The following FMN1 variants were observed in gnomAD, a reference collection of about 807,000 sequenced individuals.
The protein encoded by FMN1 is formin 1.
Under a neutral mutation model 132.4 loss-of-function variants are expected in FMN1, and 110 were observed. The ratio of observed to expected loss-of-function variants is 0.83; its 90% CI spans 0.71 to 0.97. FMN1 has a LOEUF of 0.97. Among genes scored for constraint, FMN1 ranks in the 50% least tolerant of loss-of-function variants. FMN1 has a pLI of 0.00. For synonymous variants in FMN1, 722 were observed against 651.7 expected (o/e 1.11, Z -1.64); for missense variants, 1,792 against 1,705.3 (o/e 1.05, Z -0.90).
intron 4 of FMN1, among the ~76,000 whole-genome samples, chr15:33,113,118 T>A (rs1339828477): frequency 1.3e-5 from 2 of 152,222 alleles, no homozygotes; most frequent in East Asian, 3.8e-4. Flanking sequence ...CTCAATATGC[T>A]GTTTCAAATA....
chr15:32,987,134 G>C (rs1317686417), intron 7 of FMN1, among the ~76,000 whole-genome samples: 1 of 152,080 alleles, frequency 6.6e-6, no homozygotes, highest in Non-Finnish European at 1.5e-5. Context: ...GGCAGAGACA[G>C]GATAACCTTA....
At chr15:32,919,972 T>C (rs2060781032) in intron 10 of FMN1, among the ~76,000 whole-genome samples, 1 of 152,328 alleles carries the variant, frequency 6.6e-6, no homozygotes, top group South Asian at 2.1e-4. Context: ...AGAAAGCCAA[T>C]GTTGCAGCTG....
At chr15:32,989,988 G>A (rs908542268) in intron 7 of FMN1, among the ~76,000 whole-genome samples, 12 of 152,136 alleles carry the variant, frequency 7.9e-5, no homozygotes, top group Admixed American at 2.0e-4. Context: ...GGATTCAGAA[G>A]GAGACAAGTA....
intron 4 of FMN1, among the ~76,000 whole-genome samples, chr15:33,107,446 A>C (rs1401907059): frequency 6.6e-6 from 1 of 152,070 alleles, no homozygotes; most frequent in East Asian, 1.9e-4. Flanking sequence ...CTGGCCTTAA[A>C]GAACATCACT....
intron 12 of FMN1, among the ~76,000 whole-genome samples, chr15:32,905,774 G>C (rs1418911301): frequency 6.6e-6 from 1 of 152,144 alleles, no homozygotes. Context: ...GCTTATAGTC[G>C]ACTCACTTGG....
intron 4 of FMN1, among the ~76,000 whole-genome samples, chr15:33,104,922 CTAAT>C (rs1303363350): frequency 2.0e-5 from 3 of 152,028 alleles, no homozygotes; most frequent in Non-Finnish European, 4.4e-5. Flanking sequence ...AAAGCTGAAT[CTAAT>C]TGGTGGTGAT....
At chr15:33,031,161 A>G (rs1307286940) in intron 6 of FMN1, among the ~76,000 whole-genome samples, 2 of 152,202 alleles carry the variant, frequency 1.3e-5, no homozygotes, top group African/African-American at 4.8e-5. Context: ...GTAATAAGAA[A>G]TACAGCCAGG....
chr15:32,957,226 G>C (rs1014356536), intron 9 of FMN1, among the ~76,000 whole-genome samples: 14 of 151,158 alleles, frequency 9.3e-5, no homozygotes, highest in African/African-American at 3.4e-4. Context: ...AGGAATATTG[G>C]CAGATCATGC....
intron 6 of FMN1, among the ~76,000 whole-genome samples, chr15:33,060,165 T>TGAAA (rs75388435): frequency 0.25 from 37,963 of 151,942 alleles, 5,461 homozygotes; most frequent in Admixed American, 0.32. Context: ...CAGGGGTCTA[T>TGAAA]GAAAGATAGT....
chr15:33,065,542 T>C (rs1319972547), intron 5 of FMN1, among the ~76,000 whole-genome samples: 1 of 152,220 alleles, frequency 6.6e-6, no homozygotes, highest in Admixed American at 6.5e-5. Flanking sequence ...AATTTCCTTT[T>C]ATTCCTATAA....
intron 4 of FMN1, among the ~76,000 whole-genome samples, chr15:33,141,500 T>G (rs1964009292): frequency 6.6e-6 from 1 of 152,172 alleles, no homozygotes; most frequent in African/African-American, 2.4e-5. Flanking sequence ...AGAGATTCCA[T>G]GCAGAAGGTT....
intron 17 of FMN1, among the ~76,000 whole-genome samples, chr15:32,831,126 C>T (rs2058490513): frequency 6.6e-6 from 1 of 152,114 alleles, no homozygotes; most frequent in Non-Finnish European, 1.5e-5. Flanking sequence ...AATAATAGTG[C>T]TTTCCTCAAG....
chr15:32,942,371 A>C (rs1567436299), intron 9 of FMN1, among the ~76,000 whole-genome samples: 1 of 152,244 alleles, frequency 6.6e-6, no homozygotes, highest in African/African-American at 2.4e-5. Context: ...AGACAGGCTG[A>C]GAAAGAATTC....
intron 4 of FMN1, among the ~76,000 whole-genome samples, chr15:33,132,559 G>A (rs1053064673): frequency 1.3e-5 from 2 of 152,140 alleles, no homozygotes; most frequent in African/African-American, 4.8e-5. Context: ...GTCGTTTGCA[G>A]TATTAATATT....
At chr15:32,881,772 C>T (rs1489836249) in intron 16 of FMN1, among the ~76,000 whole-genome samples, 1 of 152,164 alleles carries the variant, frequency 6.6e-6, no homozygotes, top group Admixed American at 6.5e-5. Context: ...GTCTTGAGCA[C>T]AGGAAGCATA....
chr15:33,070,366 G>A (rs12439012), intron 5 of FMN1, among the ~76,000 whole-genome samples: 43,403 of 149,378 alleles, frequency 0.29, 7,110 homozygotes, highest in Admixed American at 0.37. Flanking sequence ...GGGGGCAGTG[G>A]GAGAGGGCAC....
At chr15:33,124,417 T>C (rs2468734) in intron 4 of FMN1, among the ~76,000 whole-genome samples, 135,314 of 152,124 alleles carry the variant, frequency 0.89, 60,278 homozygotes, top group East Asian at 0.97. Flanking sequence ...TTTGTGCCTT[T>C]ATCAGTAAAG....
At chr15:33,073,156 T>A (rs1421888177) in intron 5 of FMN1, among the ~76,000 whole-genome samples, 1 of 152,204 alleles carries the variant, frequency 6.6e-6, no homozygotes, top group Admixed American at 6.5e-5. Context: ...CTTCTCGCTA[T>A]TACTCAGTTT....
intron 7 of FMN1, among the ~76,000 whole-genome samples, chr15:32,987,545 T>G (rs538807556): frequency 4.6e-5 from 7 of 152,232 alleles, no homozygotes; most frequent in African/African-American, 9.6e-5. Context: ...TGAAACTGAT[T>G]AGGAGGACTG....
Sources: gnomAD v4.1 joint callset for allele counts (sites outside exome capture counted in the v4.1 genomes callset) on GRCh38, gnomAD v4.1.1 for gene constraint, MANE v1.5 for transcripts, NCBI Gene and HGNC (gene_info 2026-07-23, HGNC 2026-07-21) for gene names.